Variants in CRIM1 observed in about 807,000 individuals in gnomAD.
CRIM1 encodes cysteine-rich motor neuron 1 protein.
Under a neutral mutation model 116.4 loss-of-function variants are expected in CRIM1, and 32 were observed. The ratio of observed to expected loss-of-function variants is 0.27; its 90% CI spans 0.21 to 0.37. The LOEUF is 0.37. Among genes scored for constraint, CRIM1 ranks in the 10% least tolerant of loss-of-function variants. The probability of loss-of-function intolerance (pLI) is 1.00; values close to 1 mark genes in which losing one functional copy is unlikely to be tolerated. For missense variants in CRIM1, 1,331 were observed against 1,354.8 expected, an observed-to-expected ratio of 0.98 and a Z score of 0.28; for synonymous variants, 590 against 509.2, an observed-to-expected ratio of 1.16 and a Z score of -2.13.
At position 36,512,210 on chromosome 2, in the gene CRIM1, G is replaced by A. The variant is rs891840994; in HGVS notation, c.1659-63G>A. The A allele has an allele frequency of 9.8e-5, 155 of 1,583,214 alleles. No individual in the cohort carries two copies. The Admixed American group carries it at 2.5e-3, about 26-fold the overall frequency. ...ATCACTTTATTGACCCTTGGTCTGA[G>A]TGCTTGGGCATCATTTGAGACTTTG... On this transcript the variant is annotated intron_variant, in intron 9 of 16. Transcript: ENST00000280527.
At chr2:36,366,513 C>T (rs1293113502) in intron 1 of CRIM1, among the ~76,000 whole-genome samples, 1 of 151,906 alleles carries the variant, frequency 6.6e-6, no homozygotes, top group African/African-American at 2.4e-5. Context: ...ATTTTAGCAA[C>T]CAGCTACCTT....
chr2:36,547,161 C>A lies in CRIM1; in HGVS notation c.2924C>A (p.Thr975Lys). The part of the protein sequence containing the change: ...QWIPLLCWYR[T>K]PTKPSSLNNQ... Reference sequence around the variant, plus strand: ...ATACCACTGCTTTGCTGGTATCGAACACCAACTAAGGTACTGTCTTGCAAA... The same window carrying A: ...ATACCACTGCTTTGCTGGTATCGAAAACCAACTAAGGTACTGTCTTGCAAA... Residue 975 changes from threonine to lysine, a missense_variant, in exon 16 of 17, where the codon ACA (threonine) becomes AAA (lysine). Thr to Lys is a moderately conservative substitution (Grantham distance 78, BLOSUM62 -1). Coordinates refer to ENST00000280527, the MANE Select transcript of CRIM1 (RefSeq NM_016441.3). 2 of 1,611,148 alleles carry A rather than the reference C, an allele frequency of 1.2e-6. No individual in the cohort carries two copies. The highest frequency in any genetic ancestry group is 1.7e-6 in the Non-Finnish European group (2 of 1,178,212).
At chr2:36,435,054 G>A (rs1298631054) in intron 2 of CRIM1, among the ~76,000 whole-genome samples, 1 of 152,148 alleles carries the variant, frequency 6.6e-6, no homozygotes, top group African/African-American at 2.4e-5. Flanking sequence ...GTCTTCTCCA[G>A]AATTGTAATT....
chr2:36,483,880 C>T (rs1379451047), intron 7 of CRIM1, among the ~76,000 whole-genome samples: 3 of 152,168 alleles, frequency 2.0e-5, no homozygotes, highest in Non-Finnish European at 4.4e-5. Context: ...AGCTGATGGC[C>T]ATTGGGACCC....
Position 36,547,190 on chromosome 2 carries a change from T to G in CRIM1, c.2934+19T>G, listed in dbSNP as rs985564860. On this transcript the variant is annotated intron_variant, in intron 16 of 16. Coordinates refer to ENST00000280527, the MANE Select transcript of CRIM1 (RefSeq NM_016441.3). Reference sequence around the variant, plus strand: ...AACTAAGGTACTGTCTTGCAAAAGTTAGTCTCTTGAATGATGAATCTAGGA... The same window carrying G: ...AACTAAGGTACTGTCTTGCAAAAGTGAGTCTCTTGAATGATGAATCTAGGA... The G allele has an allele frequency of 6.3e-7, 1 of 1,593,368 alleles. No homozygotes were observed. Among genetic ancestry groups the G allele is most frequent in the Non-Finnish European group, 8.6e-7 (1 of 1,165,164 alleles).
chr2:36,488,697 C>A (rs1680011491), intron 7 of CRIM1, among the ~76,000 whole-genome samples: 1 of 152,150 alleles, frequency 6.6e-6, no homozygotes, highest in Non-Finnish European at 1.5e-5. Flanking sequence ...GAGAGATTAG[C>A]TGGATTTATC....
At chr2:36,409,249 T>C (rs1673037057) in intron 2 of CRIM1, among the ~76,000 whole-genome samples, 1 of 152,194 alleles carries the variant, frequency 6.6e-6, no homozygotes, top group Non-Finnish European at 1.5e-5. Context: ...TTTAGTTTTT[T>C]TCCACCTCAG....
intron 1 of CRIM1, among the ~76,000 whole-genome samples, chr2:36,385,371 C>A (rs1010059462): frequency 1.3e-5 from 2 of 152,206 alleles, no homozygotes; most frequent in African/African-American, 4.8e-5. Flanking sequence ...CTTATTGCAA[C>A]TTCCAGATCA....
chr2:36,462,273 G>A (rs993398554), intron 4 of CRIM1, among the ~76,000 whole-genome samples: 5 of 152,166 alleles, frequency 3.3e-5, no homozygotes, highest in African/African-American at 4.8e-5. Flanking sequence ...CTCTTTGGGT[G>A]ACAGGTACAC....
intron 12 of CRIM1, among the ~76,000 whole-genome samples, chr2:36,520,917 C>G (rs1319509544): frequency 6.6e-6 from 1 of 152,198 alleles, no homozygotes; most frequent in Non-Finnish European, 1.5e-5. Flanking sequence ...CTGGGAAGAA[C>G]ATACGACAAC....
intron 8 of CRIM1, among the ~76,000 whole-genome samples, chr2:36,500,844 C>T (rs944066181): frequency 2.0e-5 from 3 of 152,136 alleles, no homozygotes; most frequent in Non-Finnish European, 4.4e-5. Flanking sequence ...AAAGACACTT[C>T]GCCCGTATCT....
chr2:36,372,392 C>G (rs1004371907), intron 1 of CRIM1, among the ~76,000 whole-genome samples: 1 of 152,058 alleles, frequency 6.6e-6, no homozygotes, highest in Non-Finnish European at 1.5e-5. Flanking sequence ...TTCTGTAGCA[C>G]TAGTTATAAG....
In CRIM1 at chr2:36,461,676, A is replaced by G. The variant is rs564166988; in HGVS notation, c.870-2858A>G. Among the ~76,000 whole-genome samples, 10 of 152,330 alleles carry G rather than the reference A, an allele frequency of 6.6e-5. No individual in the cohort carries two copies. The South Asian group carries it at 1.2e-3, about 19-fold the overall frequency. The stretch of plus-strand genomic sequence containing the variant: ...TTTAAAACTACATGGGACTCATATC[A>G]TTTGTAGATATAACAGACTTCCTGG... On this transcript the variant is annotated intron_variant, in intron 4 of 16. Coordinates refer to ENST00000280527, the MANE Select transcript of CRIM1 (RefSeq NM_016441.3).
At position 36,512,855 on chromosome 2, in the gene CRIM1, C is replaced by G. The variant is rs911285534; in HGVS notation, c.1780+461C>G. On this transcript the variant is annotated intron_variant, in intron 10 of 16. Coordinates refer to ENST00000280527, the MANE Select transcript of CRIM1 (RefSeq NM_016441.3). ...AGCCTTTGGCTGAATAAGCACATGCCAGCCCACAGCTGTGAATAAGCACAG... is the reference window on the plus strand; with the variant it reads ...AGCCTTTGGCTGAATAAGCACATGCGAGCCCACAGCTGTGAATAAGCACAG... Among the ~76,000 whole-genome samples the G allele has an allele frequency of 7.2e-5, 11 of 152,282 alleles. No homozygotes were observed. In the South Asian group the frequency reaches 1.0e-3, roughly 14 times the overall value.
At chr2:36,523,338 CAG>C (rs1665539846) in intron 13 of CRIM1, among the ~76,000 whole-genome samples, 1 of 152,202 alleles carries the variant, frequency 6.6e-6, no homozygotes, top group Non-Finnish European at 1.5e-5. Context: ...CCTAGGCACA[CAG>C]AGTGAGGCCT....
intron 1 of CRIM1, among the ~76,000 whole-genome samples, chr2:36,395,779 T>C (rs1405438418): frequency 6.6e-6 from 1 of 152,168 alleles, no homozygotes; most frequent in Non-Finnish European, 1.5e-5. Flanking sequence ...CAGTGATGGA[T>C]ACTATCAGTC....
At chr2:36,412,536 A>G (rs901224139) in intron 2 of CRIM1, among the ~76,000 whole-genome samples, 1 of 152,204 alleles carries the variant, frequency 6.6e-6, no homozygotes, top group Non-Finnish European at 1.5e-5. Flanking sequence ...TTTAAATCAT[A>G]TACTGACTTT....
At chr2:36,540,555 G>C (rs1397665993) in intron 14 of CRIM1, among the ~76,000 whole-genome samples, 1 of 152,212 alleles carries the variant, frequency 6.6e-6, no homozygotes, top group Non-Finnish European at 1.5e-5. Context: ...CTGGAGCAGT[G>C]AGTTTTAGTA....
chr2:36,495,795 A>G (rs1680544729), intron 7 of CRIM1, among the ~76,000 whole-genome samples: 1 of 152,148 alleles, frequency 6.6e-6, no homozygotes, highest in African/African-American at 2.4e-5. Flanking sequence ...CTGAGATTAT[A>G]TAATAATATG....
Sources: gnomAD v4.1 joint callset for allele counts (sites outside exome capture counted in the v4.1 genomes callset) on GRCh38, gnomAD v4.1.1 for gene constraint, MANE v1.5 for transcripts, NCBI Gene and HGNC (gene_info 2026-07-23, HGNC 2026-07-21) for gene names.